The following TAS1R1 variants were observed in gnomAD, a reference collection of about 807,000 sequenced individuals.
TAS1R1 encodes taste 1 receptor member 1, also known as taste receptor type 1 member 1.
Under a neutral mutation model 45.8 loss-of-function variants are expected in TAS1R1, and 31 were observed. The observed-to-expected ratio is 0.68, with a 90% CI of 0.51 to 0.91. The LOEUF is 0.91. Among genes scored for constraint, TAS1R1 ranks in the 40% least tolerant of loss-of-function variants. The pLI, the probability that TAS1R1 is intolerant of heterozygous loss-of-function variation, is 0.00. For missense variants in TAS1R1, 1,051 were observed against 1,063.9 expected, an observed-to-expected ratio of 0.99 and a Z score of 0.17; for synonymous variants, 437 against 448.4, an observed-to-expected ratio of 0.97 and a Z score of 0.32.
Position 6,579,423 on chromosome 1 carries a change from C to T in TAS1R1, c.2365C>T (p.Pro789Ser). ...CAGCGTCTACGACGGCAAGTACCTG[C>T]CTGCGGCCAACATGATGGCTGGGCT... ...TASVYDGKYL[P>S]AANMMAGLSS... Residue 789 changes from proline to serine, a missense_variant, in exon 6 of 6, where the codon CCT becomes TCT. Transcript: ENST00000333172. 6.2e-7 allele frequency: 1 copy of T among 1,614,042 alleles called. No individual in the cohort carries two copies. Among genetic ancestry groups the T allele is most frequent in the Non-Finnish European group, 8.5e-7 (1 of 1,180,046 alleles).
chr1:6,574,821 A>C lies in TAS1R1; in HGVS notation c.689A>C (p.Asn230Thr), dbSNP rs1640116292. Residue 230 changes from asparagine (N) to threonine (T), a missense_variant, in exon 3 of 6, where the codon AAC becomes ACC. Transcript: ENST00000333172. This position sits in a 1 kb window ranked among gnomAD's most constrained non-coding sequence, Gnocchi z 4.3. ...YGQLGVQALE[N>T]QATGQGICIA... is the part of the protein sequence containing the mutation. ...CAGCTAGGGGTGCAGGCACTGGAGA[A>C]CCAGGCCACTGGTCAGGGGATCTGC... is the stretch of plus-strand genomic sequence containing the variant. 2 of 1,614,264 alleles carry C rather than the reference A, an allele frequency of 1.2e-6. No individual in the cohort carries two copies. The highest frequency in any genetic ancestry group is 4.5e-5 in the East Asian group (2 of 44,880).
At position 6,564,871 on chromosome 1, in the gene TAS1R1, G is replaced by A. The variant is rs145796671; in HGVS notation, c.192-6038G>A. The stretch of plus-strand genomic sequence containing the variant: ...GGAGGCAAGTGGGTGAAGTCTACCT[G>A]CCAGTCCTCCCCTGGGAGTGTTCCT... On this transcript the variant is annotated intron_variant, in intron 1 of 5. Coordinates refer to ENST00000333172, the MANE Select transcript of TAS1R1 (RefSeq NM_138697.4). Among the ~76,000 whole-genome samples the A allele has an allele frequency of 4.3e-3, 654 of 152,320 alleles. 2 individuals carry two copies. Among genetic ancestry groups the A allele is most frequent in the Non-Finnish European group, 7.7e-3 (521 of 68,026 alleles).
chr1:6,559,041 G>A (rs535390232), intron 1 of TAS1R1, among the ~76,000 whole-genome samples: 6 of 152,084 alleles, frequency 3.9e-5, no homozygotes, highest in East Asian at 2.0e-4. Flanking sequence ...ACAGGCGCCC[G>A]CCACCACGCC....
chr1:6,563,665 G>A (rs563050369), intron 1 of TAS1R1, among the ~76,000 whole-genome samples: 3 of 152,126 alleles, frequency 2.0e-5, no homozygotes, highest in Non-Finnish European at 2.9e-5. Flanking sequence ...AGTGGGGAGG[G>A]AGTTAAGCTA....
intron 1 of TAS1R1, among the ~76,000 whole-genome samples, chr1:6,562,039 A>T (rs1421284277): frequency 6.6e-6 from 1 of 152,214 alleles, no homozygotes; most frequent in Non-Finnish European, 1.5e-5. Flanking sequence ...GAAAGGAAGC[A>T]CTGTATCAAG....
chr1:6,571,325 T>G (rs1296102165), intron 2 of TAS1R1, 110 bp downstream of exon 2: 1 of 1,225,314 alleles, frequency 8.2e-7, no homozygotes, highest in Non-Finnish European at 1.1e-6. Context: ...CTGGATCTCT[T>G]GGGTGGTCAC....
At chr1:6,557,008 C>CAAA (rs35187481) in intron 1 of TAS1R1, among the ~76,000 whole-genome samples, 6 of 63,476 alleles carry the variant, frequency 9.5e-5, no homozygotes, top group African/African-American at 2.7e-4. Context: ...GGCTCCATCT[C>CAAA]AAAAAAAAAA....
At chr1:6,577,630 G>A (rs1458379179) in intron 5 of TAS1R1, among the ~76,000 whole-genome samples, 1 of 151,590 alleles carries the variant, frequency 6.6e-6, no homozygotes, top group East Asian at 1.9e-4. Flanking sequence ...TTCGAGACCA[G>A]CCTGACCAAC....
At chr1:6,556,741 T>C (rs1328434874) in intron 1 of TAS1R1, among the ~76,000 whole-genome samples, 1 of 151,696 alleles carries the variant, frequency 6.6e-6, no homozygotes, top group Non-Finnish European at 1.5e-5. Context: ...CCGAGCACAG[T>C]GGCTCACGCC....
intron 1 of TAS1R1, among the ~76,000 whole-genome samples, chr1:6,569,116 G>C (rs1639943423): frequency 6.6e-6 from 1 of 151,526 alleles, no homozygotes; most frequent in African/African-American, 2.4e-5. Context: ...TTGGAGAGAG[G>C]GGGAGAAGGG....
chr1:6,576,051 AAC>A (rs1484193136), intron 3 of TAS1R1, among the ~76,000 whole-genome samples: 1 of 151,798 alleles, frequency 6.6e-6, no homozygotes, highest in Non-Finnish European at 1.5e-5. Flanking sequence ...GCTGGTCTCG[AAC>A]TCCTGGCATC....
chr1:6,576,323 G>C (rs1640170670), intron 3 of TAS1R1, 92 bp from the exon 4 acceptor site: 2 of 1,261,670 alleles, frequency 1.6e-6, no homozygotes, highest in African/African-American at 1.5e-5. Flanking sequence ...AAACCACCAG[G>C]ACGGAAACCC....
intron 1 of TAS1R1, among the ~76,000 whole-genome samples, chr1:6,559,395 C>T (rs1390471949): frequency 2.0e-5 from 3 of 151,902 alleles, no homozygotes; most frequent in Admixed American, 6.6e-5. Context: ...TAGTGACTCA[C>T]GCCTGTAATC....
At chr1:6,568,729 C>T (rs1639933511) in intron 1 of TAS1R1, among the ~76,000 whole-genome samples, 1 of 152,132 alleles carries the variant, frequency 6.6e-6, no homozygotes. Context: ...GGAACAGCAG[C>T]AGCTCCTACG....
At chr1:6,561,420 G>A (rs1639785793) in intron 1 of TAS1R1, among the ~76,000 whole-genome samples, 1 of 152,130 alleles carries the variant, frequency 6.6e-6, no homozygotes, top group Admixed American at 6.6e-5. Context: ...CTGCTAAAGA[G>A]TCTATCTGGG....
At position 6,574,370 on chromosome 1, in the gene TAS1R1, C is replaced by A. The variant is rs1413780096; in HGVS notation, c.499-261C>A. On this transcript the variant is annotated intron_variant, in intron 2 of 5. Coordinates refer to ENST00000333172, the MANE Select transcript of TAS1R1 (RefSeq NM_138697.4). The surrounding 1 kb of genome is among the most constrained non-coding windows in gnomAD (Gnocchi z 4.3). Reference sequence around the variant, plus strand: ...GTGGAAGTCCCTGAAGGTCCCCAAACACACGGGACTATTTCACTCCTATGC... The same window carrying A: ...GTGGAAGTCCCTGAAGGTCCCCAAAAACACGGGACTATTTCACTCCTATGC... Among the ~76,000 whole-genome samples the A allele has an allele frequency of 6.6e-6, 1 of 152,242 alleles. No individual in the cohort carries two copies. The highest frequency in any genetic ancestry group is 1.9e-4 in the East Asian group (1 of 5,192).
intron 2 of TAS1R1, among the ~76,000 whole-genome samples, chr1:6,571,435 A>G (rs902533772): frequency 6.6e-6 from 1 of 152,026 alleles, no homozygotes; most frequent in African/African-American, 2.4e-5. Context: ...CTCCACTCTC[A>G]TGGGAAAACC....
At chr1:6,560,876 C>G (rs540653145) in intron 1 of TAS1R1, among the ~76,000 whole-genome samples, 2 of 150,814 alleles carry the variant, frequency 1.3e-5, no homozygotes, top group Admixed American at 1.3e-4. Flanking sequence ...CCCAGCTACT[C>G]GGGAGGCTGA....
intron 1 of TAS1R1, among the ~76,000 whole-genome samples, chr1:6,562,689 G>A (rs1381757869): frequency 6.6e-6 from 1 of 152,146 alleles, no homozygotes; most frequent in Admixed American, 6.5e-5. Context: ...CTTTAATAGG[G>A]ATTGGTAAAC....
Sources: gnomAD v4.1 joint callset for allele counts (sites outside exome capture counted in the v4.1 genomes callset) on GRCh38, gnomAD v4.1.1 for gene constraint, Gnocchi (gnomAD v3.1) non-coding constraint, MANE v1.5 for transcripts, NCBI Gene and HGNC (gene_info 2026-07-23, HGNC 2026-07-21) for gene names.